The following PTER variants were observed in gnomAD, a reference collection of about 807,000 sequenced individuals.
The protein encoded by PTER is N-acetyltaurine hydrolase.
PTER carries 38 observed loss-of-function variants against 29.6 expected under a neutral mutation model. The ratio of observed to expected loss-of-function variants is 1.28; its 90% confidence interval spans 0.99 to 1.68. PTER has a LOEUF of 1.68. PTER is among the 40% of genes most tolerant of loss of function. PTER has a pLI of 0.00. For missense variants in PTER, 482 were observed against 427.8 expected (o/e 1.13, Z -1.12); for synonymous variants, 172 against 154.5 (o/e 1.11, Z -0.84).
intron 1 of PTER, among the ~76,000 whole-genome samples, chr10:16,449,636 A>C (rs1834135801): frequency 6.6e-6 from 1 of 151,524 alleles, no homozygotes; most frequent in South Asian, 2.1e-4. Context: ...CTGCATTTAA[A>C]TTTTGTAGTT....
chr10:16,480,631 C>T (rs1835445249), intron 1 of PTER, among the ~76,000 whole-genome samples: 1 of 152,162 alleles, frequency 6.6e-6, no homozygotes, highest in Non-Finnish European at 1.5e-5. Flanking sequence ...AAGAGAAGCT[C>T]TCCTCATTCA....
At chr10:16,438,471 T>TTG (rs1564380759) in intron 1 of PTER, among the ~76,000 whole-genome samples, 3 of 149,728 alleles carry the variant, frequency 2.0e-5, no homozygotes, top group Admixed American at 6.6e-5. Flanking sequence ...TGTTTTTTGT[T>TTG]TTTTTTTTTG....
chr10:16,512,720 T>TA lies in PTER; in HGVS notation c.*1476dup, dbSNP rs529299054. The TA allele has an allele frequency of 0.061, 9,101 of 149,224 alleles. 464 individuals are homozygous for TA. Among genetic ancestry groups the TA allele is most frequent in the South Asian group, 0.12 (586 of 4,722 alleles). 9.2% of individuals were successfully genotyped at this position (149,224 alleles called of 1,614,324 possible). A position where few individuals can be genotyped will look rare whatever the true frequency, so the allele number is the denominator to read the frequency against. ...GAACAAACTAATTCCTTTAAATAAA[T>TA]AAAAAAAAAAAATGCAAATGTCCTT... On this transcript the variant is annotated 3_prime_UTR_variant, in exon 5 of 5. Transcript: ENST00000535784.
intron 3 of PTER, among the ~76,000 whole-genome samples, chr10:16,503,684 G>T (rs561236726): frequency 6.6e-6 from 1 of 151,696 alleles, no homozygotes; most frequent in Non-Finnish European, 1.5e-5. Context: ...GGGATTACAG[G>T]TGTGAGCCAC....
chr10:16,483,648 G>A (rs965722201), intron 1 of PTER, among the ~76,000 whole-genome samples: 1 of 152,156 alleles, frequency 6.6e-6, no homozygotes, highest in Non-Finnish European at 1.5e-5. Flanking sequence ...AGGAGTTCAA[G>A]ACCAGCCTGG....
chr10:16,460,843 A>G (rs905224619), intron 1 of PTER, among the ~76,000 whole-genome samples: 6 of 152,042 alleles, frequency 3.9e-5, no homozygotes, highest in African/African-American at 9.7e-5. Context: ...CAGCCTCCCA[A>G]TTAGCGGGGA....
intron 1 of PTER, among the ~76,000 whole-genome samples, chr10:16,484,029 G>C (rs772173233): frequency 1.3e-5 from 2 of 151,992 alleles, no homozygotes; most frequent in Non-Finnish European, 2.9e-5. Context: ...ATGATTAAGA[G>C]ATACAATTAA....
At chr10:16,448,490 A>G (rs529227594) in intron 1 of PTER, among the ~76,000 whole-genome samples, 4 of 152,296 alleles carry the variant, frequency 2.6e-5, no homozygotes, top group Admixed American at 1.3e-4. Context: ...GAGGGGCCAA[A>G]TGCAGCGACT....
intron 1 of PTER, among the ~76,000 whole-genome samples, chr10:16,438,518 A>G (rs1448778464): frequency 2.7e-5 from 4 of 147,956 alleles, no homozygotes; most frequent in African/African-American, 9.9e-5. Context: ...CATTTTGTCC[A>G]GGTTGGTGTC....
chr10:16,456,862 T>TGGG (rs10682284), intron 1 of PTER, among the ~76,000 whole-genome samples: 20,144 of 111,820 alleles, frequency 0.18, 2,056 homozygotes, highest in East Asian at 0.23. Context: ...ATGGGGAAGG[T>TGGG]GGGGGGGGGT....
At chr10:16,510,985 A>T in intron 4 of PTER, 61 bp from the exon 5 acceptor site, 1 of 1,449,978 alleles carries the variant, frequency 6.9e-7, no homozygotes, top group Non-Finnish European at 9.5e-7. Flanking sequence ...AAAAGTTGAA[A>T]GCATCCTGAA....
chr10:16,463,340 T>C (rs1834691707), intron 1 of PTER, among the ~76,000 whole-genome samples: 1 of 152,070 alleles, frequency 6.6e-6, no homozygotes, highest in Non-Finnish European at 1.5e-5. Flanking sequence ...TAAATGTTAA[T>C]TGGGATTATC....
chr10:16,491,841 C>T (rs1835909921), intron 3 of PTER, among the ~76,000 whole-genome samples: 1 of 151,922 alleles, frequency 6.6e-6, no homozygotes, highest in South Asian at 2.1e-4. Flanking sequence ...TTTCAGTATA[C>T]AAAAATAAAA....
chr10:16,510,818 G>T (rs913633551), intron 4 of PTER, among the ~76,000 whole-genome samples: 1 of 152,278 alleles, frequency 6.6e-6, no homozygotes, highest in Non-Finnish European at 1.5e-5. Flanking sequence ...AAATGTCACA[G>T]GTTAGAAATT....
intron 3 of PTER, chr10:16,486,856 T>C (rs879745454): frequency 4.3e-6 from 2 of 461,114 alleles, no homozygotes; most frequent in Non-Finnish European, 3.8e-6. Context: ...ATATTTCGCA[T>C]AAGTCATTTC....
At chr10:16,489,480 A>G (rs75235523) in intron 3 of PTER, among the ~76,000 whole-genome samples, 2,622 of 150,084 alleles carry the variant, frequency 0.017, 76 homozygotes, top group African/African-American at 0.06. Context: ...TTAGAGTACA[A>G]TTTTTTGTTG....
At chr10:16,515,299 G>T (rs1836933778), downstream of PTER, among the ~76,000 whole-genome samples, 1 of 151,176 alleles carries the variant, frequency 6.6e-6, no homozygotes, top group Non-Finnish European at 1.5e-5. Flanking sequence ...CCTTTACCAG[G>T]CTGCTTCAGA....
At chr10:16,468,390 G>A (rs938068103) in intron 1 of PTER, among the ~76,000 whole-genome samples, 2 of 150,544 alleles carry the variant, frequency 1.3e-5, no homozygotes, top group African/African-American at 4.9e-5. Context: ...TTTTTTTAGT[G>A]ACTTTTAACC....
At chr10:16,498,823 G>A (rs1238124834) in intron 3 of PTER, among the ~76,000 whole-genome samples, 1 of 152,184 alleles carries the variant, frequency 6.6e-6, no homozygotes, top group Non-Finnish European at 1.5e-5. Context: ...AAAGTCACTT[G>A]CATAAATGCA....
Sources: allele counts gnomAD v4.1 joint callset (sites outside exome capture counted in the v4.1 genomes callset), GRCh38; gene constraint gnomAD v4.1.1; transcripts MANE v1.5; gene names NCBI Gene and HGNC (gene_info 2026-07-23, HGNC 2026-07-21).